The following ANXA4 variants were observed in gnomAD, a reference collection of about 807,000 sequenced individuals.
The protein encoded by ANXA4 is annexin A4.
ANXA4 carries 39 observed loss-of-function variants against 49.8 expected under a neutral mutation model. That is an observed-to-expected ratio of 0.78 (90% CI 0.61 to 1.02). ANXA4 has a LOEUF of 1.02. Among genes scored for constraint, ANXA4 ranks in the 50% least tolerant of loss-of-function variants. The pLI is 0.00. For synonymous variants in ANXA4, 134 were observed against 152.5 expected (o/e 0.88, Z 0.89); for missense variants, 360 against 410.1 (o/e 0.88, Z 1.05).
chr2:69,651,834 G>GCCCCCCCCC (rs1676258265), intron 1 of ANXA4, among the ~76,000 whole-genome samples: 1 of 82,704 alleles, frequency 1.2e-5, no homozygotes, highest in Non-Finnish European at 2.4e-5. Context: ...GGGGGGCGGG[G>GCCCCCCCCC]AGACAGAGTC....
At chr2:69,739,699 C>T (rs1331248228), upstream of ANXA4, among the ~76,000 whole-genome samples, 1 of 152,086 alleles carries the variant, frequency 6.6e-6, no homozygotes, top group African/African-American at 2.4e-5. Flanking sequence ...GCTGGTGTTA[C>T]AGGCGTGAGC....
chr2:69,648,129 T>A (rs1288625604), intron 1 of ANXA4, among the ~76,000 whole-genome samples: 5 of 152,120 alleles, frequency 3.3e-5, no homozygotes, highest in Non-Finnish European at 7.3e-5. Flanking sequence ...CTTAACTGAG[T>A]CAAGCACTAT....
intron 1 of ANXA4, among the ~76,000 whole-genome samples, chr2:69,755,206 T>C (rs1670993083): frequency 6.6e-6 from 1 of 152,210 alleles, no homozygotes; most frequent in African/African-American, 2.4e-5. Context: ...AATGGGGAGT[T>C]ACTGTTTCAC....
At chr2:69,785,672 A>T (rs540298434) in intron 2 of ANXA4, among the ~76,000 whole-genome samples, 1 of 152,212 alleles carries the variant, frequency 6.6e-6, no homozygotes, top group Admixed American at 6.5e-5. Context: ...TATTATTCGC[A>T]ACATACAAGT....
At chr2:69,807,478 A>AT (rs1175653893) in intron 5 of ANXA4, among the ~76,000 whole-genome samples, 2 of 152,190 alleles carry the variant, frequency 1.3e-5, no homozygotes, top group Non-Finnish European at 2.9e-5. Context: ...ACTCCTCATC[A>AT]TAAGTCGAGG....
intron 2 of ANXA4, among the ~76,000 whole-genome samples, chr2:69,704,266 C>T (rs1291617738): frequency 1.3e-5 from 2 of 151,968 alleles, no homozygotes; most frequent in African/African-American, 4.8e-5. Context: ...TAAATGGGAT[C>T]TTTTCTTTCA....
At chr2:69,691,566 C>A (rs1677967023) in intron 2 of ANXA4, among the ~76,000 whole-genome samples, 1 of 50,840 alleles carries the variant, frequency 2.0e-5, no homozygotes, top group Admixed American at 3.0e-4. Context: ...CACACACACA[C>A]ACACATGCAC....
Position 69,745,276 on chromosome 2 carries a change from A to G in ANXA4, c.-47+3101A>G, listed in dbSNP as rs1456724449. Among the ~76,000 whole-genome samples, 12 of 152,294 alleles carry G rather than the reference A, an allele frequency of 7.9e-5. No individual in the cohort carries two copies. In the East Asian group the frequency reaches 1.7e-3, roughly 22 times the overall value. ...TTTGAGGAAGTAGTTTTTAAAACCC[A>G]TAGGCTGGGTGGCCTTGATGTTGGC... On this transcript the variant is annotated intron_variant, in intron 1 of 12. Transcript: ENST00000394295.
intron 1 of ANXA4, among the ~76,000 whole-genome samples, chr2:69,760,238 A>G (rs1671225102): frequency 6.6e-6 from 1 of 152,316 alleles, no homozygotes; most frequent in African/African-American, 2.4e-5. Flanking sequence ...TTATGAAAAA[A>G]CAATTTCATT....
intron 1 of ANXA4, among the ~76,000 whole-genome samples, chr2:69,749,979 A>C (rs1670773227): frequency 6.6e-6 from 1 of 152,008 alleles, no homozygotes; most frequent in Non-Finnish European, 1.5e-5. Flanking sequence ...TTATTAGTGC[A>C]TTAAATACTT....
intron 2 of ANXA4, among the ~76,000 whole-genome samples, chr2:69,707,618 G>A (rs1017978381): frequency 6.6e-6 from 1 of 152,182 alleles, no homozygotes; most frequent in African/African-American, 2.4e-5. Flanking sequence ...CATAGTAGGT[G>A]TATTTATTTA....
At chr2:69,667,812 C>T (rs1021977506) in intron 2 of ANXA4, among the ~76,000 whole-genome samples, 1 of 152,188 alleles carries the variant, frequency 6.6e-6, no homozygotes, top group Non-Finnish European at 1.5e-5. Flanking sequence ...CTGCTGCACC[C>T]GGAATCAGCA....
At chr2:69,734,231 G>A (rs2105452246) in intron 3 of ANXA4, among the ~76,000 whole-genome samples, 1 of 152,300 alleles carries the variant, frequency 6.6e-6, no homozygotes, top group East Asian at 1.9e-4. Flanking sequence ...CAGCCAGACT[G>A]GACGTGGCCT....
intron 12 of ANXA4, among the ~76,000 whole-genome samples, chr2:69,824,166 T>C (rs1382807791): frequency 1.3e-5 from 2 of 152,098 alleles, no homozygotes; most frequent in Non-Finnish European, 2.9e-5. Context: ...GCAGAAATTA[T>C]AGAACCTTTC....
intron 1 of ANXA4, among the ~76,000 whole-genome samples, chr2:69,771,114 A>G (rs1046520508): frequency 6.6e-6 from 1 of 151,346 alleles, no homozygotes; most frequent in Non-Finnish European, 1.5e-5. Context: ...AAAAAGAAAA[A>G]AAAAAAAAAA....
chr2:69,658,729 C>T (rs916851469), intron 2 of ANXA4, among the ~76,000 whole-genome samples: 1 of 152,188 alleles, frequency 6.6e-6, no homozygotes, highest in Non-Finnish European at 1.5e-5. Flanking sequence ...GAGTCTCGCT[C>T]TGTCGCCCAG....
chr2:69,804,706 C>T (rs981135145), intron 4 of ANXA4, 79 bp downstream of exon 4: 21 of 1,206,952 alleles, frequency 1.7e-5, no homozygotes, highest in Admixed American at 1.5e-4. Flanking sequence ...TCTAGGTTCC[C>T]GAAGTGACCT....
chr2:69,722,334 C>T (rs958811832), intron 3 of ANXA4, among the ~76,000 whole-genome samples: 1 of 152,150 alleles, frequency 6.6e-6, no homozygotes, highest in Non-Finnish European at 1.5e-5. Flanking sequence ...TTCACGGCAG[C>T]GTTATTCGCC....
At chr2:69,728,708 C>T (rs1559117419) in intron 3 of ANXA4, among the ~76,000 whole-genome samples, 1 of 152,194 alleles carries the variant, frequency 6.6e-6, no homozygotes, top group Non-Finnish European at 1.5e-5. Flanking sequence ...CTCTGTCTTC[C>T]ATTCCGTTTG....
Sources: gnomAD v4.1 joint callset for allele counts (sites outside exome capture counted in the v4.1 genomes callset) on GRCh38, gnomAD v4.1.1 for gene constraint, MANE v1.5 for transcripts, NCBI Gene and HGNC (gene_info 2026-07-23, HGNC 2026-07-21) for gene names.